The following TMPRSS7 variants were observed in gnomAD, a reference collection of about 807,000 sequenced individuals.
TMPRSS7 encodes transmembrane serine protease 7, also known as transmembrane protease serine 7.
In TMPRSS7, 81 loss-of-function variants were observed where a neutral mutation model predicts 95.6. The ratio of observed to expected loss-of-function variants is 0.85; its 90% CI spans 0.71 to 1.02. The LOEUF is 1.02. Among genes scored for constraint, TMPRSS7 ranks in the 50% least tolerant of loss-of-function variants. The pLI, the probability that TMPRSS7 is intolerant of heterozygous loss-of-function variation, is 0.00. For missense variants in TMPRSS7, 945 were observed against 955.2 expected, an observed-to-expected ratio of 0.99 and a Z score of 0.14; for synonymous variants, 364 against 337.8, an observed-to-expected ratio of 1.08 and a Z score of -0.85.
At chr3:112,075,085 CCCT>C (rs2073695320) in intron 14 of TMPRSS7, among the ~76,000 whole-genome samples, 1 of 152,174 alleles carries the variant, frequency 6.6e-6, no homozygotes, top group South Asian at 2.1e-4. Flanking sequence ...CAGCAGGTCC[CCCT>C]CCTCCTCTCA....
At chr3:112,064,702 T>C (rs963252425) in intron 12 of TMPRSS7, among the ~76,000 whole-genome samples, 2 of 152,220 alleles carry the variant, frequency 1.3e-5, no homozygotes, top group Non-Finnish European at 2.9e-5. Context: ...TTCTAACCTG[T>C]ACAATTTGTA....
chr3:112,064,273 T>C (rs541466432), intron 12 of TMPRSS7, among the ~76,000 whole-genome samples: 15 of 152,348 alleles, frequency 9.8e-5, no homozygotes, highest in African/African-American at 3.6e-4. Context: ...AAGTGCTCTT[T>C]CAGCGTGCTC....
chr3:112,047,904 G>GT lies in TMPRSS7; in HGVS notation c.897dup (p.Val300CysfsTer3). The GT allele has an allele frequency of 6.2e-7, 1 of 1,614,080 alleles. No homozygotes were observed. Among genetic ancestry groups the GT allele is most frequent in the African/African-American group, 1.3e-5 (1 of 75,018 alleles). ...TCCATCCAAATCGAAGCCGACAACT[G>GT]TGTCACTGACTCCCTGACCATTTAC... On this transcript the variant is annotated frameshift_variant, in exon 7 of 18. Transcript: ENST00000452346. LOFTEE classifies it high-confidence loss of function.
chr3:112,045,654 A>G, intron 4 of TMPRSS7, 96 bp from the exon 5 acceptor site: 1 of 1,190,760 alleles, frequency 8.4e-7, no homozygotes, highest in Non-Finnish European at 1.2e-6. Flanking sequence ...CAGTTGAAGG[A>G]TGTGCTCATT....
chr3:112,078,980 C>T, intron 17 of TMPRSS7, 102 bp downstream of exon 17: 3 of 1,371,288 alleles, frequency 2.2e-6, no homozygotes, highest in Non-Finnish European at 3.0e-6. Context: ...GCAGGTATTT[C>T]CCTGAATTCA....
chr3:112,039,241 A>T (rs6783345), intron 2 of TMPRSS7, among the ~76,000 whole-genome samples: 9,059 of 152,308 alleles, frequency 0.059, 397 homozygotes, highest in South Asian at 0.23. Context: ...ATTTGATACA[A>T]AATCATGCAC....
At chr3:112,035,473 A>C (rs2073144646) in intron 1 of TMPRSS7, among the ~76,000 whole-genome samples, 2 of 152,190 alleles carry the variant, frequency 1.3e-5, no homozygotes, top group South Asian at 4.1e-4. Context: ...AATAATTCAG[A>C]GTGTACGTGG....
intron 2 of TMPRSS7, 148 bp downstream of exon 2, chr3:112,038,469 GTTT>G (rs2073172780): frequency 1.7e-6 from 1 of 595,836 alleles, no homozygotes; most frequent in South Asian, 2.1e-5. Flanking sequence ...GGTGTTGATG[GTTT>G]TTTATTATTT....
At chr3:112,043,929 A>T (rs1207713081) in intron 3 of TMPRSS7, among the ~76,000 whole-genome samples, 3 of 152,226 alleles carry the variant, frequency 2.0e-5, no homozygotes, top group Non-Finnish European at 4.4e-5. Flanking sequence ...AAATGTACTT[A>T]AATGAGTTTG....
chr3:112,069,400 T>C (rs765657923), intron 13 of TMPRSS7, among the ~76,000 whole-genome samples: 2 of 152,316 alleles, frequency 1.3e-5, no homozygotes, highest in Admixed American at 6.5e-5. Flanking sequence ...AGAAGGAATG[T>C]TACCAGCTCC....
chr3:112,066,273 A>G, intron 12 of TMPRSS7, 119 bp from the exon 13 acceptor site: 1 of 771,896 alleles, frequency 1.3e-6, no homozygotes, highest in East Asian at 2.6e-5. Flanking sequence ...AGGAAAATAC[A>G]CTTTTTGTTT....
intron 13 of TMPRSS7, among the ~76,000 whole-genome samples, chr3:112,070,252 A>C (rs2073626502): frequency 6.6e-6 from 1 of 152,220 alleles, no homozygotes; most frequent in Admixed American, 6.5e-5. Context: ...ACTTCCAATT[A>C]TGTGGTCAAT....
rs990316182 is a variant in TMPRSS7, at chr3:112,061,118, C to T, written c.1311-669C>T. ...CTACACAGGGCGGTGGACTAACTTA[C>T]GGGCCTGCAATATAATAATACTGTA... On this transcript the variant is annotated intron_variant, in intron 10 of 17. Coordinates refer to ENST00000452346, the Ensembl canonical transcript of TMPRSS7. Among the ~76,000 whole-genome samples the T allele has an allele frequency of 1.4e-4, 21 of 152,252 alleles. No individual in the cohort carries two copies. The East Asian group carries it at 1.5e-3, about 11-fold the overall frequency.
At chr3:112,044,289 A>G (rs1165175340) in exon 4 of TMPRSS7, 2 of 1,551,326 alleles carry the variant, frequency 1.3e-6, no homozygotes, top group Admixed American at 2.0e-5. Flanking sequence ...GCCTTCTCCA[A>G]ATTTTATGAG....
At chr3:112,058,139 A>G (rs2073454931) in intron 10 of TMPRSS7, among the ~76,000 whole-genome samples, 1 of 152,210 alleles carries the variant, frequency 6.6e-6, no homozygotes. Context: ...TTCTTTGCTC[A>G]TTGTTATTCT....
At chr3:112,061,460 T>G (rs550902988) in intron 10 of TMPRSS7, among the ~76,000 whole-genome samples, 1 of 152,200 alleles carries the variant, frequency 6.6e-6, no homozygotes, top group African/African-American at 2.4e-5. Flanking sequence ...AAGCAGGCAA[T>G]TCTTACATTA....
chr3:112,077,571 A>T (rs73856343), intron 16 of TMPRSS7, among the ~76,000 whole-genome samples: 4,561 of 152,258 alleles, frequency 0.03, 190 homozygotes, highest in African/African-American at 0.088. Flanking sequence ...TGTGGGTATG[A>T]CCTGTGCCTG....
At chr3:112,035,242 GTTTC>G (rs1434776322) in intron 1 of TMPRSS7, among the ~76,000 whole-genome samples, 3 of 152,192 alleles carry the variant, frequency 2.0e-5, no homozygotes, top group Admixed American at 6.5e-5. Flanking sequence ...ATTTCTGCGT[GTTTC>G]TTTATTTCTT....
intron 5 of TMPRSS7, among the ~76,000 whole-genome samples, chr3:112,046,667 T>C (rs1220970314): frequency 6.6e-6 from 1 of 152,194 alleles, no homozygotes; most frequent in Admixed American, 6.5e-5. Flanking sequence ...TTTGGTTGCT[T>C]TTTTACCTTT....
Sources: gnomAD v4.1 joint callset for allele counts (sites outside exome capture counted in the v4.1 genomes callset) on GRCh38, gnomAD v4.1.1 for gene constraint, MANE v1.5 for transcripts, NCBI Gene and HGNC (gene_info 2026-07-23, HGNC 2026-07-21) for gene names.